ZRANB3: variants seen among roughly 807,000 people sequenced by gnomAD.
The protein encoded by ZRANB3 is DNA annealing helicase and endonuclease ZRANB3.
Under a neutral mutation model 133.8 loss-of-function variants are expected in ZRANB3, and 125 were observed. The observed-to-expected ratio is 0.93, with a 90% CI of 0.81 to 1.08. ZRANB3 has a LOEUF of 1.08. ZRANB3 is among the 50% of genes least tolerant of loss of function. The pLI is 0.00. For synonymous variants in ZRANB3, 387 were observed against 432.7 expected, an observed-to-expected ratio of 0.89 and a Z score of 1.31; for missense variants, 1,229 against 1,275.5, an observed-to-expected ratio of 0.96 and a Z score of 0.56.
chr2:135,308,317 G>A (rs1682798893), intron 8 of ZRANB3, among the ~76,000 whole-genome samples: 1 of 152,108 alleles, frequency 6.6e-6, no homozygotes, highest in Admixed American at 6.5e-5. Flanking sequence ...ACCAGAAGCA[G>A]TCCATCATGG....
chr2:135,256,830 C>T (rs1472560707), intron 12 of ZRANB3, among the ~76,000 whole-genome samples: 1 of 152,156 alleles, frequency 6.6e-6, no homozygotes, highest in African/African-American at 2.4e-5. Flanking sequence ...GTCCCAAAGA[C>T]CCTACTGATA....
At chr2:135,311,231 T>C (rs1373104741) in intron 8 of ZRANB3, among the ~76,000 whole-genome samples, 1 of 151,976 alleles carries the variant, frequency 6.6e-6, no homozygotes. Context: ...CCATCAGTCA[T>C]CGGGAAAAGA....
intron 2 of ZRANB3, among the ~76,000 whole-genome samples, chr2:135,446,730 G>A (rs1009046011): frequency 1.3e-5 from 2 of 152,184 alleles, no homozygotes; most frequent in Non-Finnish European, 2.9e-5. Flanking sequence ...GAAGAAAAGA[G>A]GCTATCAGGA....
intron 8 of ZRANB3, among the ~76,000 whole-genome samples, chr2:135,307,929 C>A (rs1682782528): frequency 6.6e-6 from 1 of 152,162 alleles, no homozygotes; most frequent in South Asian, 2.1e-4. Flanking sequence ...AGTGTTCCTG[C>A]CACATTCTCA....
At chr2:135,491,551 T>G (rs1396024825) in intron 2 of ZRANB3, among the ~76,000 whole-genome samples, 1 of 152,018 alleles carries the variant, frequency 6.6e-6, no homozygotes. Flanking sequence ...TCTCACTCTG[T>G]TGCCCAGGCT....
chr2:135,422,240 C>T (rs1163979015), intron 2 of ZRANB3, among the ~76,000 whole-genome samples: 3 of 152,080 alleles, frequency 2.0e-5, no homozygotes, highest in Admixed American at 6.6e-5. Context: ...TCTATACTCA[C>T]TGTTTCTCCT....
At chr2:135,268,880 C>T (rs1680373066) in intron 11 of ZRANB3, 82 bp downstream of exon 11, 4 of 1,351,906 alleles carry the variant, frequency 3.0e-6, no homozygotes, top group African/African-American at 1.5e-5. Context: ...TGCCTGAAAA[C>T]ACTAAAACTC....
chr2:135,386,646 G>A (rs1343787213), intron 3 of ZRANB3, among the ~76,000 whole-genome samples: 1 of 152,192 alleles, frequency 6.6e-6, no homozygotes, highest in East Asian at 1.9e-4. Context: ...TATACACCAT[G>A]GAATGCTATG....
At chr2:135,496,972 G>C (rs1692700924) in intron 2 of ZRANB3, among the ~76,000 whole-genome samples, 1 of 152,162 alleles carries the variant, frequency 6.6e-6, no homozygotes, top group South Asian at 2.1e-4. Context: ...TCATCCTTAA[G>C]AGAATCCAAT....
At chr2:135,518,147 G>A (rs866380589) in intron 1 of ZRANB3, among the ~76,000 whole-genome samples, 9 of 152,142 alleles carry the variant, frequency 5.9e-5, no homozygotes, top group East Asian at 1.9e-4. Context: ...TTCAGACTGC[G>A]TGCTGGAAGT....
chr2:135,405,732 AC>A (rs1344799666), intron 2 of ZRANB3, among the ~76,000 whole-genome samples: 1 of 152,222 alleles, frequency 6.6e-6, no homozygotes, highest in Non-Finnish European at 1.5e-5. Context: ...TGGGTACATA[AC>A]AAAATGAAGG....
chr2:135,237,906 C>CT (rs1695371103), intron 12 of ZRANB3, among the ~76,000 whole-genome samples: 1 of 152,030 alleles, frequency 6.6e-6, no homozygotes, highest in African/African-American at 2.4e-5. Flanking sequence ...CAAATCTGCA[C>CT]GTTGTGCACA....
intron 1 of ZRANB3, among the ~76,000 whole-genome samples, chr2:135,519,588 C>T (rs563014238): frequency 6.6e-5 from 10 of 152,188 alleles, no homozygotes; most frequent in African/African-American, 2.2e-4. Context: ...GGGCTAAATC[C>T]CACTGAAAAT....
At chr2:135,523,093 T>C (rs750745490) in intron 1 of ZRANB3, among the ~76,000 whole-genome samples, 5 of 152,202 alleles carry the variant, frequency 3.3e-5, no homozygotes, top group Non-Finnish European at 7.3e-5. Context: ...CCAAAACCAG[T>C]CTTGATTTCT....
intron 2 of ZRANB3, among the ~76,000 whole-genome samples, chr2:135,473,829 C>A (rs777898222): frequency 6.6e-6 from 1 of 152,126 alleles, no homozygotes; most frequent in African/African-American, 2.4e-5. Context: ...TTCCATCCTA[C>A]CCAATATAAA....
rs1250823678 is a variant in ZRANB3, at chr2:135,531,136, G to A, written c.-17C>T. 6.6e-6 allele frequency: 1 copy of A among 152,208 alleles called. No individual in the cohort carries two copies. Among genetic ancestry groups the A allele is most frequent in the Non-Finnish European group, 1.5e-5 (1 of 68,066 alleles). The allele number at this position is 152,208 out of a possible 1,614,324, so 9.4% of individuals were successfully genotyped here. A position where few individuals can be genotyped will look rare whatever the true frequency, so the allele number is the denominator to read the frequency against. On this transcript the variant is annotated 5_prime_UTR_variant, in exon 1 of 21. Transcript: ENST00000264159. ...GTTGTCTTTTAAATACCTCGAGTCA[G>A]TAAAAACTCACGAAACTCCGCACCT...
intron 3 of ZRANB3, among the ~76,000 whole-genome samples, chr2:135,387,204 G>C (rs1687023736): frequency 6.6e-6 from 1 of 151,772 alleles, no homozygotes. Context: ...CTCTCCCAAG[G>C]CTTTTCACTA....
chr2:135,432,968 C>T (rs1038235550), intron 2 of ZRANB3, among the ~76,000 whole-genome samples: 1 of 152,186 alleles, frequency 6.6e-6, no homozygotes, highest in African/African-American at 2.4e-5. Context: ...ACGAGCTAGA[C>T]TGAAGTGCTT....
At chr2:135,380,566 G>C (rs1403397399) in intron 3 of ZRANB3, among the ~76,000 whole-genome samples, 2 of 152,042 alleles carry the variant, frequency 1.3e-5, no homozygotes, top group Non-Finnish European at 2.9e-5. Context: ...AATGACTACT[G>C]GTTAAATAGT....
Sources: allele counts gnomAD v4.1 joint callset (sites outside exome capture counted in the v4.1 genomes callset), GRCh38; gene constraint gnomAD v4.1.1; transcripts MANE v1.5; gene names NCBI Gene and HGNC (gene_info 2026-07-23, HGNC 2026-07-21).